The following GFOD2 variants were observed in gnomAD, a reference collection of about 807,000 sequenced individuals.
The protein encoded by GFOD2 is Gfo/Idh/MocA-like oxidoreductase domain containing 2, also known as glucose-fructose oxidoreductase domain-containing protein 2.
Under a neutral mutation model 24.6 loss-of-function variants are expected in GFOD2, and 9 were observed. The observed-to-expected ratio is 0.37, with a 90% CI of 0.22 to 0.64. The LOEUF is 0.64. Among genes scored for constraint, GFOD2 ranks in the 30% least tolerant of loss-of-function variants. The probability of loss-of-function intolerance (pLI) is 0.65; values close to 1 mark genes in which losing one functional copy is unlikely to be tolerated. For missense variants in GFOD2, 476 were observed against 532.5 expected, an observed-to-expected ratio of 0.89 and a Z score of 1.04; for synonymous variants, 211 against 224.8, an observed-to-expected ratio of 0.94 and a Z score of 0.55.
chr16:67,702,067 A>T (rs1018723710), intron 1 of GFOD2, among the ~76,000 whole-genome samples: 1 of 152,146 alleles, frequency 6.6e-6, no homozygotes, highest in Non-Finnish European at 1.5e-5. Flanking sequence ...AAATAGTTCT[A>T]TGGGTATGAC....
At chr16:67,685,861 TTC>T in intron 1 of GFOD2, 59 bp from the exon 2 acceptor site, 1 of 1,028,116 alleles carries the variant, frequency 9.7e-7, no homozygotes, top group Non-Finnish European at 1.4e-6. Flanking sequence ...TGAGGCTACT[TTC>T]TTTTTTTTTT....
At chr16:67,694,987 CTT>C (rs542893576) in intron 1 of GFOD2, among the ~76,000 whole-genome samples, 17 of 121,570 alleles carry the variant, frequency 1.4e-4, no homozygotes, top group African/African-American at 3.4e-4. Context: ...CCATCTCTCT[CTT>C]TTTTTTTTTT....
At chr16:67,702,585 A>T (rs1026265836) in intron 1 of GFOD2, among the ~76,000 whole-genome samples, 11 of 148,122 alleles carry the variant, frequency 7.4e-5, no homozygotes, top group African/African-American at 2.8e-4. Context: ...TCATGAAGGT[A>T]GCCAGGATTT....
rs538969666 is a variant in GFOD2 at position 67,711,406 on chromosome 16, G to A, written c.-88+7757C>T. Among the ~76,000 whole-genome samples, 8 of 152,142 alleles carry A rather than the reference G, an allele frequency of 5.3e-5. No homozygotes were observed. In the South Asian group the frequency reaches 1.0e-3, roughly 20 times the overall value. ...CTCTTACCTCTCTGACCACTTCTCG[G>A]TTCCTTCTGCTCATTTCTCCTGATG... On this transcript the variant is annotated intron_variant, in intron 1 of 2. Transcript: ENST00000268797.
Position 67,685,549 on chromosome 16 carries a change from C to T in GFOD2, c.167G>A (p.Arg56Gln), listed in dbSNP as rs370537822. 39 of 1,614,032 alleles carry T rather than the reference C, an allele frequency of 2.4e-5. No homozygotes were observed. The Middle Eastern group carries it at 8.2e-4, about 34-fold the overall frequency. Residue 56 changes from arginine (R) to glutamine (Q), a missense_variant, in exon 2 of 3, where the codon CGG becomes CAG. Arg to Gln is a conservative substitution (Grantham distance 43). Coordinates refer to ENST00000268797, the MANE Select transcript of GFOD2 (RefSeq NM_030819.4). ...TTGATGCAGCAAGATGTCATCAGTC[C>T]GGCTGGTGTAGAAGGCGATGTTCAT... ...EEMNIAFYTS[R>Q]TDDILLHQDV...
chr16:67,705,074 A>G (rs1200281742), intron 1 of GFOD2, among the ~76,000 whole-genome samples: 1 of 152,224 alleles, frequency 6.6e-6, no homozygotes, highest in Non-Finnish European at 1.5e-5. Context: ...TTCCCTGCAC[A>G]TGGTCCTTCC....
At chr16:67,690,025 C>A (rs2053299168) in intron 1 of GFOD2, among the ~76,000 whole-genome samples, 1 of 152,208 alleles carries the variant, frequency 6.6e-6, no homozygotes, top group Admixed American at 6.5e-5. Flanking sequence ...GGACTTCCTT[C>A]CTTTTCAAGG....
At chr16:67,696,258 C>G (rs1210496157) in intron 1 of GFOD2, among the ~76,000 whole-genome samples, 1 of 151,572 alleles carries the variant, frequency 6.6e-6, no homozygotes, top group Non-Finnish European at 1.5e-5. Flanking sequence ...CGTGATCTGC[C>G]CGCCTCAGCC....
intron 1 of GFOD2, among the ~76,000 whole-genome samples, chr16:67,710,155 T>C (rs2053463512): frequency 1.3e-5 from 2 of 151,800 alleles, no homozygotes; most frequent in South Asian, 4.2e-4. Context: ...AGACAGGGTC[T>C]TGCTCTGTTG....
intron 1 of GFOD2, among the ~76,000 whole-genome samples, chr16:67,693,299 GAC>G (rs2053329977): frequency 7.4e-6 from 1 of 134,736 alleles, no homozygotes; most frequent in Non-Finnish European, 1.6e-5. Context: ...TTTTTTTTTT[GAC>G]ACAGTCTCAC....
intron 2 of GFOD2, chr16:67,685,191 G>C (rs2053256526): frequency 7.1e-7 from 1 of 1,408,254 alleles, no homozygotes; most frequent in African/African-American, 1.4e-5. Context: ...TGTTGACTGA[G>C]ATGCAACCAT....
intron 1 of GFOD2, among the ~76,000 whole-genome samples, chr16:67,703,097 T>C (rs1285187677): frequency 2.0e-5 from 3 of 152,108 alleles, no homozygotes; most frequent in Admixed American, 1.3e-4. Flanking sequence ...GGTTTTAAAG[T>C]GCAGAGTTAA....
chr16:67,706,262 C>G (rs893550642), intron 1 of GFOD2, among the ~76,000 whole-genome samples: 4 of 152,116 alleles, frequency 2.6e-5, no homozygotes, highest in African/African-American at 4.8e-5. Context: ...CAGGTGTGAG[C>G]CACTGCGCCT....
At chr16:67,683,153 G>A in intron 2 of GFOD2, 1 of 939,744 alleles carries the variant, frequency 1.1e-6, no homozygotes, top group Non-Finnish European at 1.3e-6. Flanking sequence ...GTAGAGACGG[G>A]ATCCCACTAT....
At chr16:67,689,564 G>A (rs1212481969) in intron 1 of GFOD2, among the ~76,000 whole-genome samples, 3 of 151,822 alleles carry the variant, frequency 2.0e-5, no homozygotes, top group Admixed American at 2.0e-4. Flanking sequence ...CCAGCTACTC[G>A]GGAGGTGGAG....
chr16:67,698,668 G>A (rs1274693556), intron 1 of GFOD2, among the ~76,000 whole-genome samples: 3 of 152,098 alleles, frequency 2.0e-5, no homozygotes, highest in Non-Finnish European at 2.9e-5. Context: ...TAGTAGACAC[G>A]GGGTTTCCCC....
At chr16:67,683,924 CTA>C (rs2053246703) in intron 2 of GFOD2, 1 of 1,086,058 alleles carries the variant, frequency 9.2e-7, no homozygotes, top group South Asian at 4.5e-5. Context: ...TGAATTGTGA[CTA>C]TGTCTTCTGT....
intron 1 of GFOD2, among the ~76,000 whole-genome samples, chr16:67,703,008 G>A (rs746433670): frequency 3.3e-5 from 5 of 152,164 alleles, no homozygotes; most frequent in South Asian, 2.1e-4. Context: ...TCACTCATTA[G>A]GCAGCTTGTA....
chr16:67,694,356 TCTGGCCTCAAACTC>T (rs2053341665), intron 1 of GFOD2, among the ~76,000 whole-genome samples: 1 of 152,038 alleles, frequency 6.6e-6, no homozygotes, highest in African/African-American at 2.4e-5. Context: ...GGTCTCAAAC[TCTGGCCTCAAACTC>T]CTGGCCTCAA....
Sources: allele counts gnomAD v4.1 joint callset (sites outside exome capture counted in the v4.1 genomes callset), GRCh38; gene constraint gnomAD v4.1.1; transcripts MANE v1.5; gene names NCBI Gene and HGNC (gene_info 2026-07-23, HGNC 2026-07-21).